FHIT: variants seen among roughly 807,000 people sequenced by gnomAD.
FHIT encodes the protein bis(5'-adenosyl)-triphosphatase.
In FHIT, 19 loss-of-function variants were observed where a neutral mutation model predicts 17.9. The observed-to-expected ratio is 1.06, with a 90% CI of 0.74 to 1.56. FHIT has a LOEUF of 1.56. FHIT is among the 40% of genes most tolerant of loss of function. The pLI, the probability that FHIT is intolerant of heterozygous loss-of-function variation, is 0.00. For missense variants in FHIT, 248 were observed against 189.2 expected (o/e 1.31, Z -1.82); for synonymous variants, 81 against 69.7 (o/e 1.16, Z -0.81).
At chr3:60,405,392 TG>T (rs1157667933) in intron 5 of FHIT, among the ~76,000 whole-genome samples, 1 of 152,184 alleles carries the variant, frequency 6.6e-6, no homozygotes, top group Non-Finnish European at 1.5e-5. Context: ...CCCAGATACA[TG>T]GGGGACTTTC....
chr3:59,898,233 A>G (rs1559710034), intron 8 of FHIT, among the ~76,000 whole-genome samples: 2 of 152,244 alleles, frequency 1.3e-5, no homozygotes, highest in Non-Finnish European at 2.9e-5. Context: ...CGAGGTCCAT[A>G]TAAGACATAA....
intron 5 of FHIT, among the ~76,000 whole-genome samples, chr3:60,517,581 A>C (rs756309866): frequency 6.6e-6 from 1 of 152,232 alleles, no homozygotes; most frequent in Non-Finnish European, 1.5e-5. Context: ...GGGAATTGCC[A>C]TATATGGCTT....
At chr3:60,986,036 CCTT>C (rs1170203859) in intron 3 of FHIT, among the ~76,000 whole-genome samples, 8 of 152,216 alleles carry the variant, frequency 5.3e-5, no homozygotes, top group African/African-American at 1.9e-4. Flanking sequence ...TTATAACGAC[CCTT>C]GTGGTTATAT....
intron 7 of FHIT, among the ~76,000 whole-genome samples, chr3:59,971,177 A>T (rs1016224836): frequency 6.6e-6 from 1 of 152,160 alleles, no homozygotes; most frequent in African/African-American, 2.4e-5. Context: ...GTTCAAGGAA[A>T]TGAATTTCAG....
At chr3:60,125,002 CG>C (rs1705476306) in intron 5 of FHIT, among the ~76,000 whole-genome samples, 1 of 152,190 alleles carries the variant, frequency 6.6e-6, no homozygotes, top group African/African-American at 2.4e-5. Context: ...ATGCTTCTCA[CG>C]CATGTCTCTT....
At chr3:61,020,603 C>T (rs1202825919) in intron 3 of FHIT, among the ~76,000 whole-genome samples, 1 of 152,154 alleles carries the variant, frequency 6.6e-6, no homozygotes, top group Non-Finnish European at 1.5e-5. Context: ...TATGAAAAAA[C>T]TGCATCACCT....
Position 60,660,729 on chromosome 3 carries a change from C to CTTTTTTTTTTTTTTTTTTTTTTTTTT in FHIT, c.-17-123751_-17-123750insAAAAAAAAAAAAAAAAAAAAAAAAAA. Among the ~76,000 whole-genome samples the CTTTTTTTTTTTTTTTTTTTTTTTTTT allele has an allele frequency of 1.4e-3, 51 of 37,278 alleles. 14 individuals carry two copies. The highest frequency in any genetic ancestry group is 1.7e-3 in the Non-Finnish European group (31 of 18,234). The allele number at this position is 37,278 out of a possible 152,430, so 24.5% of individuals were successfully genotyped here. ...GATGTGGAATATCTTTTATTGTGCT[C>CTTTTTTTTTTTTTTTTTTTTTTTTTT]TTTTTTTTTTTTTTTTTTTTTGCCA... is the stretch of plus-strand genomic sequence containing the variant. On this transcript the variant is annotated intron_variant, in intron 4 of 9. Coordinates refer to ENST00000492590, the MANE Select transcript of FHIT (RefSeq NM_002012.4).
intron 3 of FHIT, chr3:60,912,700 T>G (rs906261546): frequency 4.4e-5 from 22 of 503,910 alleles, no homozygotes; most frequent in African/African-American, 3.9e-4. Context: ...GAGGAATCTA[T>G]GTAACAAGCT....
At chr3:61,197,877 A>G (rs545139404) in intron 2 of FHIT, among the ~76,000 whole-genome samples, 1 of 148,934 alleles carries the variant, frequency 6.7e-6, no homozygotes, top group Admixed American at 7.1e-5. Context: ...GCCCACATAC[A>G]TACACCTTCT....
At position 60,491,208 on chromosome 3, in the gene FHIT, T is replaced by A. The variant is rs78251977; in HGVS notation, c.103+45652A>T. Among the ~76,000 whole-genome samples, 794 of 152,252 alleles carry A rather than the reference T, an allele frequency of 5.2e-3. 6 individuals carry two copies. Among genetic ancestry groups the A allele is most frequent in the African/African-American group, 0.018 (766 of 41,532 alleles). ...TTAAGCAATAGCAAACAAGTCTATTTACATTTCAAGAAAGAAATGGCAATA... is the reference window on the plus strand; with the variant it reads ...TTAAGCAATAGCAAACAAGTCTATTAACATTTCAAGAAAGAAATGGCAATA... On this transcript the variant is annotated intron_variant, in intron 5 of 9. Transcript: ENST00000492590.
intron 2 of FHIT, among the ~76,000 whole-genome samples, chr3:61,123,728 G>A (rs572471624): frequency 6.4e-4 from 97 of 152,218 alleles, no homozygotes; most frequent in South Asian, 2.1e-3. Flanking sequence ...AGTAATAAAT[G>A]TTCAGCAACT....
chr3:59,875,665 C>T (rs529403944), intron 8 of FHIT, among the ~76,000 whole-genome samples: 1 of 151,932 alleles, frequency 6.6e-6, no homozygotes, highest in East Asian at 1.9e-4. Context: ...GGAAATTTTA[C>T]CTTTCATCAT....
intron 5 of FHIT, among the ~76,000 whole-genome samples, chr3:60,027,261 C>G (rs1025033421): frequency 1.3e-5 from 2 of 151,794 alleles, no homozygotes; most frequent in African/African-American, 2.4e-5. Flanking sequence ...TTAAGCATGC[C>G]TAAGGAAAAA....
At chr3:60,207,493 G>A (rs6784012) in intron 5 of FHIT, among the ~76,000 whole-genome samples, 25,940 of 151,646 alleles carry the variant, frequency 0.17, 2,305 homozygotes, top group East Asian at 0.26. Flanking sequence ...GAATTATACT[G>A]AGTTTCTGAT....
chr3:59,963,249 A>G lies in FHIT; in HGVS notation c.280-40835T>C, dbSNP rs200842785. Among the ~76,000 whole-genome samples the G allele has an allele frequency of 2.0e-5, 3 of 152,016 alleles. No homozygotes were observed. The East Asian group carries it at 5.8e-4, about 29-fold the overall frequency. ...ACCACTGCACTCCAGCCTGGGTGAC[A>G]GAGCGAGACTCCATCTCAAAAAATA... On this transcript the variant is annotated intron_variant, in intron 7 of 9. Coordinates refer to ENST00000492590, the MANE Select transcript of FHIT (RefSeq NM_002012.4).
intron 8 of FHIT, among the ~76,000 whole-genome samples, chr3:59,756,436 G>C (rs1220163438): frequency 6.6e-6 from 1 of 152,104 alleles, no homozygotes; most frequent in East Asian, 1.9e-4. Flanking sequence ...GAATGTGGTG[G>C]AGGTCAAAGG....
intron 4 of FHIT, among the ~76,000 whole-genome samples, chr3:60,587,450 A>T (rs1332397253): frequency 1.3e-5 from 2 of 152,048 alleles, no homozygotes; most frequent in African/African-American, 2.4e-5. Flanking sequence ...GTAAACCACC[A>T]TGGCACACAT....
chr3:60,159,108 T>C (rs145328740), intron 5 of FHIT, among the ~76,000 whole-genome samples: 1,592 of 152,238 alleles, frequency 0.01, 37 homozygotes, highest in African/African-American at 0.036. Context: ...ATTCCACAGA[T>C]ATACTGTATA....
chr3:61,106,291 G>A (rs1341601133), intron 2 of FHIT, among the ~76,000 whole-genome samples: 1 of 152,170 alleles, frequency 6.6e-6, no homozygotes, highest in Non-Finnish European at 1.5e-5. Flanking sequence ...TTACTGCCCA[G>A]TTATGATTTG....
Sources: gnomAD v4.1 joint callset for allele counts (sites outside exome capture counted in the v4.1 genomes callset) on GRCh38, gnomAD v4.1.1 for gene constraint, MANE v1.5 for transcripts, NCBI Gene and HGNC (gene_info 2026-07-23, HGNC 2026-07-21) for gene names.